PCDHA4: variants seen among roughly 807,000 people sequenced by gnomAD.
PCDHA4 encodes protocadherin alpha-4.
A neutral mutation model predicts 61.4 loss-of-function variants in PCDHA4; 49 were observed. The ratio of observed to expected loss-of-function variants is 0.80; its 90% CI spans 0.63 to 1.01. The LOEUF (loss-of-function observed/expected upper bound fraction) is 1.01. Among genes scored for constraint, PCDHA4 ranks in the 50% least tolerant of loss-of-function variants. The pLI is 0.00. For synonymous variants in PCDHA4, 590 were observed against 550.3 expected, an observed-to-expected ratio of 1.07 and a Z score of -1.01; for missense variants, 1,254 against 1,235.8, an observed-to-expected ratio of 1.01 and a Z score of -0.22.
chr5:140,946,631 T>TATATATATATAC (rs57893927), intron 1 of PCDHA4, among the ~76,000 whole-genome samples: 3,699 of 131,684 alleles, frequency 0.028, 186 homozygotes, highest in East Asian at 0.064. Flanking sequence ...TATATATATA[T>TATATATATATAC]ACAATGGAAT....
intron 1 of PCDHA4, among the ~76,000 whole-genome samples, chr5:140,976,553 A>G (rs1554237789): frequency 1.3e-5 from 2 of 152,074 alleles, no homozygotes; most frequent in Non-Finnish European, 2.9e-5. Context: ...CCTATCTCAT[A>G]AATAAATAAA....
chr5:140,856,831 A>G, intron 1 of PCDHA4: 1 of 1,591,946 alleles, frequency 6.3e-7, no homozygotes, highest in African/African-American at 1.3e-5. Flanking sequence ...CATTAGTAAT[A>G]CGGCTCAACG....
intron 1 of PCDHA4, among the ~76,000 whole-genome samples, chr5:140,915,400 T>C (rs1554196884): frequency 6.6e-6 from 1 of 152,224 alleles, no homozygotes; most frequent in East Asian, 1.9e-4. Context: ...GTATTTCTTA[T>C]AGTCTTTGCA....
intron 1 of PCDHA4, among the ~76,000 whole-genome samples, chr5:140,838,160 CTG>C (rs1554136900): frequency 6.7e-6 from 1 of 149,878 alleles, no homozygotes; most frequent in African/African-American, 2.5e-5. Context: ...GTCGCCCTCT[CTG>C]GAGTGCAGTG....
At chr5:140,870,229 C>A (rs781897836) in intron 1 of PCDHA4, 3 of 1,614,046 alleles carry the variant, frequency 1.9e-6, no homozygotes, top group South Asian at 1.1e-5. Flanking sequence ...CGTGTCTGAC[C>A]GTGACTCAGG....
At chr5:140,829,888 C>T (rs150204488) in intron 1 of PCDHA4, 519 of 1,613,790 alleles carry the variant, frequency 3.2e-4, no homozygotes, top group Non-Finnish European at 4.2e-4. Context: ...CAGTTGACGC[C>T]GACTCAGGCT....
Position 140,807,346 on chromosome 5 carries a change from A to G in PCDHA4, c.159A>G (p.Gly53=), listed in dbSNP as rs373851381. ...TFVGRIAQDL[G]LELAELVPRL... is the part of the protein sequence containing the mutation. Reference sequence around the variant, plus strand: ...TGGGCCGCATCGCGCAGGACCTGGGACTGGAGCTGGCGGAGCTGGTGCCGC... The same window carrying G: ...TGGGCCGCATCGCGCAGGACCTGGGGCTGGAGCTGGCGGAGCTGGTGCCGC... The change falls in exon 1 of 4, where the codon GGA becomes GGG. Residue 53 remains glycine, a synonymous_variant. Coordinates refer to ENST00000530339, the MANE Select transcript of PCDHA4 (RefSeq NM_018907.4). 57 of 1,612,700 alleles carry G rather than the reference A, an allele frequency of 3.5e-5. No homozygotes were observed. The highest frequency in any genetic ancestry group is 3.5e-4 in the Middle Eastern group (2 of 5,700).
chr5:140,907,631 C>T (rs1338354291), intron 1 of PCDHA4, among the ~76,000 whole-genome samples: 1 of 152,216 alleles, frequency 6.6e-6, no homozygotes, highest in African/African-American at 2.4e-5. Flanking sequence ...GTGTTGGTCT[C>T]TGCTGCTGGC....
intron 1 of PCDHA4, among the ~76,000 whole-genome samples, chr5:140,924,152 C>A (rs1163487854): frequency 6.6e-6 from 1 of 152,176 alleles, no homozygotes. Flanking sequence ...TGAAGAAATG[C>A]ACATCCTAAT....
chr5:140,829,254 C>T (rs1770187328), intron 1 of PCDHA4: 1 of 1,614,260 alleles, frequency 6.2e-7, no homozygotes, highest in East Asian at 2.2e-5. Flanking sequence ...GTGAACTGCT[C>T]GCTGACGCCT....
At chr5:140,830,749 G>A (rs1170210676) in intron 1 of PCDHA4, 11 of 188,306 alleles carry the variant, frequency 5.8e-5, no homozygotes, top group Non-Finnish European at 1.1e-4. Context: ...GTTTTCTGTT[G>A]CATTTTAATT....
chr5:140,884,383 C>T lies in PCDHA4; in HGVS notation c.2385+74811C>T, dbSNP rs185410866. The T allele has an allele frequency of 5.2e-5, 84 of 1,613,994 alleles. No homozygotes were observed. In the Admixed American group the frequency reaches 1.4e-3, roughly 27 times the overall value. ...ATGTTTACTTGATCATTGCCATCTG[C>T]GCGGTGTCCAGCCTGTTGGTGCTCA... On this transcript the variant is annotated intron_variant, in intron 1 of 3. Transcript: ENST00000530339.
At chr5:140,984,597 T>TA (rs1554246418) in intron 3 of PCDHA4, among the ~76,000 whole-genome samples, 1 of 152,182 alleles carries the variant, frequency 6.6e-6, no homozygotes, top group East Asian at 1.9e-4. Flanking sequence ...TTTCAATACA[T>TA]ACCTCTGCAT....
At chr5:140,827,315 C>A (rs2150147062) in intron 1 of PCDHA4, among the ~76,000 whole-genome samples, 1 of 152,126 alleles carries the variant, frequency 6.6e-6, no homozygotes, top group East Asian at 1.9e-4. Flanking sequence ...GGTAGAAATT[C>A]CACTAGAATT....
At chr5:140,970,567 T>G (rs558796957) in intron 1 of PCDHA4, among the ~76,000 whole-genome samples, 7 of 152,284 alleles carry the variant, frequency 4.6e-5, no homozygotes, top group African/African-American at 1.7e-4. Context: ...TCCATATGTA[T>G]GCTTGAAATA....
At chr5:140,843,844 AC>A in intron 1 of PCDHA4, 1 of 1,001,290 alleles carries the variant, frequency 1.0e-6, no homozygotes, top group Non-Finnish European at 1.5e-6. Flanking sequence ...GTTTTTAGAA[AC>A]CTTTTATAAT....
At chr5:140,941,202 C>CTTTTCTTTCTTCCTTTCTTT (rs1554213921) in intron 1 of PCDHA4, among the ~76,000 whole-genome samples, 1 of 122,742 alleles carries the variant, frequency 8.1e-6, no homozygotes, top group Non-Finnish European at 1.8e-5. Flanking sequence ...TTTCTTTCTT[C>CTTTTCTTTCTTCCTTTCTTT]CTTTCTTTCT....
chr5:140,871,484 A>G, intron 1 of PCDHA4: 1 of 1,592,270 alleles, frequency 6.3e-7, no homozygotes, highest in Non-Finnish European at 8.6e-7. Context: ...GGGTCAAATC[A>G]CCCCGGACAG....
rs1205980132 is a variant in PCDHA4, at chr5:140,829,675, A to G, written c.2385+20103A>G. ...TGCAGCCGCTGGACCACGAGGAGCTAGAGCTGCTGCAGTTTCAGGTGAGCG... is the reference window on the plus strand; with the variant it reads ...TGCAGCCGCTGGACCACGAGGAGCTGGAGCTGCTGCAGTTTCAGGTGAGCG... On this transcript the variant is annotated intron_variant, in intron 1 of 3. Transcript: ENST00000530339. The G allele has an allele frequency of 3.1e-6, 5 of 1,613,082 alleles. No individual in the cohort carries two copies. The South Asian group carries it at 4.4e-5, about 14-fold the overall frequency.
Sources: gnomAD v4.1 joint callset for allele counts (sites outside exome capture counted in the v4.1 genomes callset) on GRCh38, gnomAD v4.1.1 for gene constraint, MANE v1.5 for transcripts, NCBI Gene and HGNC (gene_info 2026-07-23, HGNC 2026-07-21) for gene names.